The following LLGL2 variants were observed in gnomAD, a reference collection of about 807,000 sequenced individuals.
The protein encoded by LLGL2 is LLGL scribble cell polarity complex component 2, also known as LLGL2, scribble cell polarity complex component.
LLGL2 carries 81 observed loss-of-function variants against 123.2 expected under a neutral mutation model. The ratio of observed to expected loss-of-function variants is 0.66; its 90% CI spans 0.55 to 0.79. LLGL2 has a LOEUF of 0.79. Ranked by LOEUF, LLGL2 falls within the 30% of genes least tolerant of loss-of-function variation. The pLI is 0.00. For synonymous variants in LLGL2, 577 were observed against 594.1 expected, an observed-to-expected ratio of 0.97 and a Z score of 0.42; for missense variants, 1,273 against 1,414.6, an observed-to-expected ratio of 0.90 and a Z score of 1.61.
intron 10 of LLGL2, among the ~76,000 whole-genome samples, chr17:75,565,025 C>A (rs1044242346): frequency 6.6e-6 from 1 of 152,222 alleles, no homozygotes; most frequent in African/African-American, 2.4e-5. Flanking sequence ...CCCAGCCACA[C>A]CTCCTGTCTG....
chr17:75,572,664 CAAA>C (rs71161230), intron 19 of LLGL2, among the ~76,000 whole-genome samples: 1 of 83,350 alleles, frequency 1.2e-5, no homozygotes, highest in Admixed American at 1.5e-4. Context: ...GATTCCGTCT[CAAA>C]AAAAAAAAAA....
intron 10 of LLGL2, among the ~76,000 whole-genome samples, chr17:75,566,636 G>C (rs2055455370): frequency 6.6e-6 from 1 of 152,210 alleles, no homozygotes; most frequent in African/African-American, 2.4e-5. Context: ...ATAGGCAGGA[G>C]GCCAGATTTG....
At chr17:75,557,831 G>T in intron 3 of LLGL2, 1 of 400,040 alleles carries the variant, frequency 2.5e-6, no homozygotes, top group South Asian at 2.1e-5. Context: ...GCTACCAAGC[G>T]ACAGCCAACA....
chr17:75,555,021 C>A (rs1474728305), intron 2 of LLGL2, among the ~76,000 whole-genome samples: 4 of 151,054 alleles, frequency 2.6e-5, no homozygotes, highest in Non-Finnish European at 4.4e-5. Context: ...ACTAAAAATA[C>A]AAAAAATTAG....
chr17:75,563,695 G>T, intron 8 of LLGL2, 57 bp from the exon 9 acceptor site: 1 of 1,589,956 alleles, frequency 6.3e-7, no homozygotes, highest in Non-Finnish European at 8.6e-7. Flanking sequence ...TGCCTGTGGG[G>T]ACTGACACTT....
In LLGL2 at chr17:75,556,085, G is replaced by A. The variant is rs905053501; in HGVS notation, c.115G>A (p.Gly39Ser). 1.9e-6 allele frequency: 3 copies of A among 1,609,956 alleles called. No homozygotes were observed. Among genetic ancestry groups the A allele is most frequent in the African/African-American group, 2.7e-5 (2 of 75,044 alleles). ...CTTCCCGCACCAGCCCAGCGCCCTC[G>A]GCTACAGCCCGTCCCTGCGCATCCT... ...HGFPHQPSALGYSPSLRILAI... is the reference protein window; with the variant it reads ...HGFPHQPSALSYSPSLRILAI... The change falls in exon 3 of 26, where the codon GGC becomes AGC. Residue 39 changes from glycine to serine, a missense_variant. Physicochemically the swap from Gly to Ser is moderately conservative, Grantham distance 56. Coordinates refer to ENST00000392550, the MANE Select transcript of LLGL2 (RefSeq NM_001031803.2).
At position 75,549,632 on chromosome 17, in the gene LLGL2, C is replaced by A. The variant is rs963651599; in HGVS notation, c.75+6131C>A. Among the ~76,000 whole-genome samples the A allele has an allele frequency of 1.3e-5, 2 of 152,216 alleles. No individual in the cohort carries two copies. The highest frequency in any genetic ancestry group is 1.5e-5 in the Non-Finnish European group (1 of 68,038). ...TGCCAGGAATCTGAGCTGGCCACAC[C>A]CAGCCAGTATCGGGCAGAGTGGCCC... On this transcript the variant is annotated intron_variant, in intron 2 of 25. Transcript: ENST00000392550. The surrounding 1 kb of genome is among the most constrained non-coding windows in gnomAD (Gnocchi z 4.0).
At chr17:75,570,885 A>G in intron 16 of LLGL2, 65 bp from the exon 17 acceptor site, 1 of 1,525,792 alleles carries the variant, frequency 6.6e-7, no homozygotes, top group Non-Finnish European at 8.8e-7. Flanking sequence ...ATCAGCACTG[A>G]GCGAAGCACT....
intron 2 of LLGL2, among the ~76,000 whole-genome samples, chr17:75,548,279 CTTTTTT>C (rs112381847): frequency 6.9e-6 from 1 of 144,196 alleles, no homozygotes. Context: ...TTTTTTTTTC[CTTTTTT>C]TTTTTTTTTT....
At position 75,563,321 on chromosome 17, in the gene LLGL2, TCCTC is replaced by T; in HGVS notation, c.694-8_694-5del. On this transcript the variant is annotated splice_region_variant and splice_polypyrimidine_tract_variant and intron_variant, in intron 7 of 25. Coordinates refer to ENST00000392550, the MANE Select transcript of LLGL2 (RefSeq NM_001031803.2). ...GTGCTGCCCTCTGTCCCTCTCCTCT[TCCTC>T]CATAGCAACTGGAGAACATCTGGTG... is the stretch of plus-strand genomic sequence containing the variant. 6.2e-7 allele frequency: 1 copy of T among 1,612,056 alleles called. No individual in the cohort carries two copies. The highest frequency in any genetic ancestry group is 8.5e-7 in the Non-Finnish European group (1 of 1,179,412).
chr17:75,563,398 A>G lies in LLGL2; in HGVS notation c.761A>G (p.Tyr254Cys). Residue 254 changes from tyrosine (Y) to cysteine (C), a missense_variant, in exon 8 of 26, where the codon TAC becomes TGC. Coordinates refer to ENST00000392550, the MANE Select transcript of LLGL2 (RefSeq NM_001031803.2). ...GTCAGCTGTCACTCTGACGGCAGCTACTGCCAGTGGCCCGTGTCCAGCGAA... is the reference window on the plus strand; with the variant it reads ...GTCAGCTGTCACTCTGACGGCAGCTGCTGCCAGTGGCCCGTGTCCAGCGAA... Reference protein sequence around the residue: ...LLVSCHSDGSYCQWPVSSEAQ... With the variant: ...LLVSCHSDGSCCQWPVSSEAQ... 6.2e-7 allele frequency: 1 copy of G among 1,612,888 alleles called. No homozygotes were observed. The highest frequency in any genetic ancestry group is 8.5e-7 in the Non-Finnish European group (1 of 1,180,012).
intron 1 of LLGL2, 67 bp from the exon 2 acceptor site, chr17:75,543,330 T>C (rs879548038): frequency 2.1e-5 from 24 of 1,116,596 alleles, no homozygotes; most frequent in Non-Finnish European, 3.1e-5. Context: ...GCTCCACCTG[T>C]TTGGGCCGGG....
intron 2 of LLGL2, among the ~76,000 whole-genome samples, chr17:75,546,611 C>CGGTGGG (rs2054437672): frequency 2.2e-5 from 1 of 45,250 alleles, no homozygotes; most frequent in African/African-American, 5.9e-5. Flanking sequence ...GTCCAGCAGA[C>CGGTGGG]AGGCGGAGGG....
At chr17:75,538,500 C>T (rs191001490) in intron 1 of LLGL2, 3 of 152,278 alleles carry the variant, frequency 2.0e-5, no homozygotes, top group Admixed American at 1.3e-4. Context: ...GTGGAGACCT[C>T]GCCTCCTCTG....
chr17:75,529,876 TAATTTTTAAAAAAA>T, intron 1 of LLGL2, among the ~76,000 whole-genome samples: 1 of 152,164 alleles, frequency 6.6e-6, no homozygotes, highest in South Asian at 2.1e-4. Flanking sequence ...ATAATAATAA[TAATTTTTAAAAAAA>T]GATTTTTAGT....
chr17:75,571,421 G>T, intron 17 of LLGL2: 1 of 586,502 alleles, frequency 1.7e-6, no homozygotes, highest in Non-Finnish European at 3.0e-6. Flanking sequence ...CAGCTGTGAC[G>T]ATCGGGGACA....
chr17:75,561,192 C>A (rs1160837898), intron 6 of LLGL2, among the ~76,000 whole-genome samples: 1 of 142,468 alleles, frequency 7.0e-6, no homozygotes, highest in African/African-American at 2.7e-5. Context: ...TTAAAACGTG[C>A]AACCCTTTAG....
intron 1 of LLGL2, among the ~76,000 whole-genome samples, chr17:75,531,739 C>T (rs2053795586): frequency 6.6e-6 from 1 of 152,256 alleles, no homozygotes; most frequent in South Asian, 2.1e-4. Flanking sequence ...GACCCTCGCT[C>T]ACTGTGCCCG....
chr17:75,574,326 G>A, intron 23 of LLGL2, 66 bp downstream of exon 23: 1 of 1,524,316 alleles, frequency 6.6e-7, no homozygotes, highest in Non-Finnish European at 8.8e-7. Context: ...GGTCAAGGGA[G>A]GCTGGGCAGG....
Sources: gnomAD v4.1 joint callset for allele counts (sites outside exome capture counted in the v4.1 genomes callset) on GRCh38, gnomAD v4.1.1 for gene constraint, Gnocchi (gnomAD v3.1) non-coding constraint, MANE v1.5 for transcripts, NCBI Gene and HGNC (gene_info 2026-07-23, HGNC 2026-07-21) for gene names.